The following CSMD1 variants were observed in gnomAD, a reference collection of about 807,000 sequenced individuals.
CSMD1 encodes the protein CUB and Sushi multiple domains 1.
Under a neutral mutation model 417.5 loss-of-function variants are expected in CSMD1, and 213 were observed. That is an observed-to-expected ratio of 0.51 (90% CI 0.46 to 0.57). The LOEUF (loss-of-function observed/expected upper bound fraction) is 0.57. CSMD1 is among the 20% of genes least tolerant of loss of function. The pLI is 0.00. For missense variants in CSMD1, 6,923 were observed against 4,529.7 expected, an observed-to-expected ratio of 1.53 and a Z score of -15.17; for synonymous variants, 2,862 against 1,736.8, an observed-to-expected ratio of 1.65 and a Z score of -16.11.
At chr8:3,001,251 C>A (rs1225119344) in intron 52 of CSMD1, among the ~76,000 whole-genome samples, 6 of 152,082 alleles carry the variant, frequency 3.9e-5, no homozygotes, top group Admixed American at 1.3e-4. Context: ...CTGCCTTGGC[C>A]TCCCAAAGTG....
chr8:3,150,390 C>A (rs188555415), intron 40 of CSMD1, among the ~76,000 whole-genome samples: 2 of 152,292 alleles, frequency 1.3e-5, no homozygotes, highest in African/African-American at 4.8e-5. Flanking sequence ...TTTCCCACGT[C>A]CAGCGCCTGA....
intron 5 of CSMD1, among the ~76,000 whole-genome samples, chr8:3,936,074 C>G (rs919889170): frequency 1.3e-5 from 2 of 151,818 alleles, no homozygotes; most frequent in East Asian, 1.9e-4. Flanking sequence ...AAGACCAAAG[C>G]AGCCGCAAAA....
intron 12 of CSMD1, among the ~76,000 whole-genome samples, chr8:3,463,826 G>A (rs1349898878): frequency 6.6e-6 from 1 of 152,150 alleles, no homozygotes; most frequent in East Asian, 1.9e-4. Flanking sequence ...TAAAGATGCT[G>A]GTTTTTGAAC....
At chr8:3,808,673 A>G (rs115058067) in intron 5 of CSMD1, among the ~76,000 whole-genome samples, 2,408 of 152,246 alleles carry the variant, frequency 0.016, 63 homozygotes, top group African/African-American at 0.054. Flanking sequence ...TGTTTGTAGG[A>G]TATTTCTGAG....
chr8:4,640,612 T>C (rs1323663211), intron 1 of CSMD1, among the ~76,000 whole-genome samples: 1 of 152,220 alleles, frequency 6.6e-6, no homozygotes, highest in African/African-American at 2.4e-5. Context: ...CTAAGCTTAA[T>C]GTAAATGATG....
chr8:3,257,463 A>G (rs1486664825), intron 26 of CSMD1, among the ~76,000 whole-genome samples: 1 of 152,206 alleles, frequency 6.6e-6, no homozygotes, highest in African/African-American at 2.4e-5. Context: ...AATACAACCA[A>G]GTAATAAATG....
At chr8:4,088,647 G>T (rs554609792) in intron 3 of CSMD1, among the ~76,000 whole-genome samples, 1 of 152,062 alleles carries the variant, frequency 6.6e-6, no homozygotes, top group African/African-American at 2.4e-5. Context: ...AAAGCCCAAA[G>T]TCATTGTCTT....
chr8:3,260,229 A>G (rs1039201340), intron 26 of CSMD1, among the ~76,000 whole-genome samples: 3 of 152,134 alleles, frequency 2.0e-5, no homozygotes, highest in Non-Finnish European at 4.4e-5. Flanking sequence ...TATGCATATA[A>G]CTAGGTTATC....
intron 1 of CSMD1, among the ~76,000 whole-genome samples, chr8:4,796,069 A>G (rs1417186416): frequency 6.6e-6 from 1 of 152,180 alleles, no homozygotes; most frequent in Non-Finnish European, 1.5e-5. Context: ...AGCCACTGGC[A>G]TTACAAAGAC....
rs1046032134 is a variant in CSMD1, at chr8:3,673,171, G to T, written c.1009+35243C>A. 2.6e-5 allele frequency among the ~76,000 whole-genome samples: 4 copies of T among 152,096 alleles called. No individual in the cohort carries two copies. The East Asian group carries it at 7.7e-4, about 29-fold the overall frequency. On this transcript the variant is annotated intron_variant, in intron 7 of 69. Transcript: ENST00000635120. ...AAACTCTGATGCTATGTCATTAATG[G>T]GACACAGAATCTGAAATTATTCAAC...
chr8:4,347,879 A>T (rs575501185), intron 3 of CSMD1, among the ~76,000 whole-genome samples: 130 of 152,258 alleles, frequency 8.5e-4, no homozygotes, highest in Non-Finnish European at 1.6e-3. Context: ...TTCCAAAGTT[A>T]ATCCATGATA....
At chr8:4,197,138 TACA>T (rs567433360) in intron 3 of CSMD1, among the ~76,000 whole-genome samples, 1 of 152,310 alleles carries the variant, frequency 6.6e-6, no homozygotes, top group East Asian at 1.9e-4. Context: ...CCAGACAAAC[TACA>T]ACAAGGTTAT....
chr8:3,529,364 G>T (rs1488828027), intron 10 of CSMD1, among the ~76,000 whole-genome samples: 1 of 152,154 alleles, frequency 6.6e-6, no homozygotes. Flanking sequence ...ATTCAAGAAA[G>T]AGTAACTCCC....
At chr8:4,571,029 C>G (rs1798869167) in intron 2 of CSMD1, among the ~76,000 whole-genome samples, 1 of 151,902 alleles carries the variant, frequency 6.6e-6, no homozygotes, top group Non-Finnish European at 1.5e-5. Flanking sequence ...TGATTCTTCT[C>G]TCTTCTTCTT....
intron 26 of CSMD1, among the ~76,000 whole-genome samples, chr8:3,247,425 C>T (rs370842934): frequency 2.0e-5 from 3 of 152,290 alleles, no homozygotes; most frequent in Admixed American, 1.3e-4. Flanking sequence ...TATTTCCATG[C>T]TCCTTGTATC....
intron 3 of CSMD1, among the ~76,000 whole-genome samples, chr8:4,383,798 A>G (rs1803262547): frequency 1.3e-5 from 2 of 152,214 alleles, no homozygotes; most frequent in South Asian, 4.1e-4. Flanking sequence ...CAAATGCTAC[A>G]TATATAATAC....
intron 6 of CSMD1, among the ~76,000 whole-genome samples, chr8:3,713,763 C>A (rs1393662701): frequency 6.6e-6 from 1 of 152,184 alleles, no homozygotes; most frequent in African/African-American, 2.4e-5. Context: ...CAAATCCTCA[C>A]AAATCACAGA....
chr8:3,592,936 T>G (rs1176240737), intron 8 of CSMD1, among the ~76,000 whole-genome samples: 3 of 151,986 alleles, frequency 2.0e-5, no homozygotes, highest in Non-Finnish European at 4.4e-5. Flanking sequence ...ATCGATGAGT[T>G]GCCCAAACAG....
At chr8:3,141,436 G>A (rs971738901) in intron 41 of CSMD1, among the ~76,000 whole-genome samples, 2 of 152,178 alleles carry the variant, frequency 1.3e-5, no homozygotes, top group African/African-American at 2.4e-5. Context: ...GCCCTTTCCC[G>A]AAAAGACCCC....
Sources: allele counts gnomAD v4.1 joint callset (sites outside exome capture counted in the v4.1 genomes callset), GRCh38; gene constraint gnomAD v4.1.1; transcripts MANE v1.5; gene names NCBI Gene and HGNC (gene_info 2026-07-23, HGNC 2026-07-21).